Variants in KCNK2 observed in about 807,000 individuals in gnomAD.
The protein encoded by KCNK2 is potassium two pore domain channel subfamily K member 2.
Under a neutral mutation model 40.5 loss-of-function variants are expected in KCNK2, and 21 were observed. The ratio of observed to expected loss-of-function variants is 0.52; its 90% CI spans 0.37 to 0.75. The LOEUF (loss-of-function observed/expected upper bound fraction) is 0.75, where lower values mean the gene tolerates loss of function less well. Ranked by LOEUF, KCNK2 falls within the 30% of genes least tolerant of loss-of-function variation. KCNK2 has a pLI of 0.00. For synonymous variants in KCNK2, 191 were observed against 202.2 expected (o/e 0.94, Z 0.47); for missense variants, 399 against 531.6 (o/e 0.75, Z 2.45).
intron 3 of KCNK2, among the ~76,000 whole-genome samples, chr1:215,126,560 C>T (rs1661445561): frequency 6.6e-6 from 1 of 152,160 alleles, no homozygotes; most frequent in African/African-American, 2.4e-5. Context: ...TAAGTTATAA[C>T]TCATCATGAC....
intron 4 of KCNK2, among the ~76,000 whole-genome samples, chr1:215,170,199 A>G (rs1180159235): frequency 2.0e-5 from 3 of 152,176 alleles, no homozygotes; most frequent in African/African-American, 7.2e-5. Flanking sequence ...TAACAAACAT[A>G]ATAAAGGTGA....
intron 6 of KCNK2, among the ~76,000 whole-genome samples, chr1:215,232,572 G>A (rs1351543441): frequency 6.6e-6 from 1 of 152,160 alleles, no homozygotes; most frequent in African/African-American, 2.4e-5. Flanking sequence ...CCACATACGA[G>A]GTTCTAGGTG....
chr1:215,181,710 T>G (rs1664222878), intron 5 of KCNK2, among the ~76,000 whole-genome samples: 1 of 152,182 alleles, frequency 6.6e-6, no homozygotes, highest in Non-Finnish European at 1.5e-5. Flanking sequence ...TATAAGCCAG[T>G]AGATGGCACT....
intron 5 of KCNK2, among the ~76,000 whole-genome samples, chr1:215,189,671 A>G (rs1341989627): frequency 6.6e-6 from 1 of 152,178 alleles, no homozygotes; most frequent in Non-Finnish European, 1.5e-5. Flanking sequence ...TTAGTAGGTA[A>G]GCTGTTGTTT....
chr1:215,127,590 C>T (rs1345111020), intron 3 of KCNK2, among the ~76,000 whole-genome samples: 2 of 152,192 alleles, frequency 1.3e-5, no homozygotes, highest in African/African-American at 2.4e-5. Flanking sequence ...AAAGCAGCAT[C>T]ATCACATGCC....
rs143223591 is a variant in KCNK2 at position 215,028,967 on chromosome 1, C to CTT, written c.34+23023_34+23024dup. ...AAATTCACTTATTTTAAAAAACAGGCTTTTTTTTTTTTAGAAGAGTTTTAA... is the reference window on the plus strand; with the variant it reads ...AAATTCACTTATTTTAAAAAACAGGCTTTTTTTTTTTTTTAGAAGAGTTTTAA... On this transcript the variant is annotated intron_variant, in intron 1 of 6. Transcript: ENST00000391895. 1.7e-3 allele frequency among the ~76,000 whole-genome samples: 246 copies of CTT among 144,250 alleles called. 5 individuals are homozygous for CTT. The South Asian group carries it at 0.038, about 22-fold the overall frequency. 94.6% of individuals were successfully genotyped at this position (144,250 alleles called of 152,430 possible). A position where few individuals can be genotyped will look rare whatever the true frequency, so the allele number is the denominator to read the frequency against.
chr1:215,013,077 C>T lies in KCNK2; in HGVS notation c.34+7122C>T, dbSNP rs543070564. ...TATAATTCAAATTTATGAAAAATTT[C>T]TTTTGTGTTTTCTTTTTTCAAAATA... On this transcript the variant is annotated intron_variant, in intron 1 of 6. Transcript: ENST00000391895. Among the ~76,000 whole-genome samples the T allele has an allele frequency of 2.0e-5, 3 of 151,138 alleles. No individual in the cohort carries two copies. The East Asian group carries it at 5.8e-4, about 29-fold the overall frequency.
chr1:215,219,473 C>T (rs1179074665), intron 6 of KCNK2, among the ~76,000 whole-genome samples: 1 of 151,012 alleles, frequency 6.6e-6, no homozygotes, highest in African/African-American at 2.5e-5. Context: ...AAATGTGCCA[C>T]TGAAACATAA....
rs1376856795 is a variant in KCNK2 at position 215,082,873 on chromosome 1, C to T, written c.-513C>T. Among the ~76,000 whole-genome samples the T allele has an allele frequency of 6.6e-6, 1 of 151,906 alleles. No homozygotes were observed. Among genetic ancestry groups the T allele is most frequent in the African/African-American group, 2.4e-5 (1 of 41,424 alleles). On this transcript the variant is annotated 5_prime_UTR_variant, in exon 1 of 7. Transcript: ENST00000444842. The stretch of plus-strand genomic sequence containing the variant: ...CATTGCGGGGGGAGACACACAAAGA[C>T]ATGCGAAGAGGGGCTGAACGAGGCT...
chr1:215,172,578 A>G (rs573383744), intron 5 of KCNK2, among the ~76,000 whole-genome samples: 1 of 152,246 alleles, frequency 6.6e-6, no homozygotes, highest in Admixed American at 6.5e-5. Context: ...GTCAAATTAT[A>G]TTATAGGCCC....
intron 6 of KCNK2, among the ~76,000 whole-genome samples, chr1:215,228,527 A>G (rs553681209): frequency 4.6e-5 from 7 of 152,290 alleles, no homozygotes; most frequent in African/African-American, 1.7e-4. Flanking sequence ...ATTCCAGTAA[A>G]GACCTCTTTC....
intron 1 of KCNK2, among the ~76,000 whole-genome samples, chr1:215,058,861 G>T (rs1658259112): frequency 1.3e-5 from 2 of 151,978 alleles, no homozygotes; most frequent in African/African-American, 2.4e-5. Context: ...TTCATAGCCA[G>T]ACTCCTTCTT....
upstream of KCNK2, among the ~76,000 whole-genome samples, chr1:215,082,727 G>A (rs1331625996): frequency 6.6e-6 from 1 of 151,898 alleles, no homozygotes; most frequent in African/African-American, 2.4e-5. Flanking sequence ...AGGGAGTTCC[G>A]AAAGGAGGGA....
intron 6 of KCNK2, among the ~76,000 whole-genome samples, chr1:215,232,012 T>C (rs1666686550): frequency 1.3e-5 from 2 of 152,152 alleles, no homozygotes; most frequent in African/African-American, 2.4e-5. Context: ...ATGGGAATTA[T>C]AGGAACTACA....
At chr1:215,025,874 G>A (rs1656983380) in intron 1 of KCNK2, among the ~76,000 whole-genome samples, 1 of 152,098 alleles carries the variant, frequency 6.6e-6, no homozygotes, top group Non-Finnish European at 1.5e-5. Flanking sequence ...ATACGAAGGA[G>A]TGGGATTGCT....
rs1558077186 is a variant in KCNK2, at chr1:215,071,320, G to GAT, written c.35-15048_35-15047insAT. The stretch of plus-strand genomic sequence containing the variant: ...AATCATGCACATTATCACATAGAGG[G>GAT]GTTTGCAGGGATGATAGATGAGAGT... On this transcript the variant is annotated intron_variant, in intron 1 of 6. Transcript: ENST00000391895. 5.3e-4 allele frequency among the ~76,000 whole-genome samples: 80 copies of GAT among 152,274 alleles called. 1 individual carries two copies. Among genetic ancestry groups the GAT allele is most frequent in the African/African-American group, 1.8e-3 (75 of 41,554 alleles).
chr1:215,115,583 T>C (rs1456199829), intron 2 of KCNK2, among the ~76,000 whole-genome samples: 1 of 152,064 alleles, frequency 6.6e-6, no homozygotes, highest in Non-Finnish European at 1.5e-5. Context: ...CAACCTCTTT[T>C]AAAGGAACTG....
At chr1:215,193,905 T>C (rs6700379) in intron 5 of KCNK2, among the ~76,000 whole-genome samples, 1 of 152,104 alleles carries the variant, frequency 6.6e-6, no homozygotes, top group African/African-American at 2.4e-5. Flanking sequence ...CACTGTGCTA[T>C]TCCATGTTTT....
At chr1:215,074,884 T>G (rs74143645) in intron 1 of KCNK2, among the ~76,000 whole-genome samples, 2,608 of 152,290 alleles carry the variant, frequency 0.017, 79 homozygotes, top group African/African-American at 0.06. Context: ...ACAGCAGAAT[T>G]TCCTCCCGAA....
Sources: allele counts gnomAD v4.1 joint callset (sites outside exome capture counted in the v4.1 genomes callset), GRCh38; gene constraint gnomAD v4.1.1; transcripts MANE v1.5; gene names NCBI Gene and HGNC (gene_info 2026-07-23, HGNC 2026-07-21).